ALLC: variants seen among roughly 807,000 people sequenced by gnomAD.
ALLC encodes the protein probable inactive allantoicase.
In ALLC, 40 loss-of-function variants were observed where a neutral mutation model predicts 45.0. The ratio of observed to expected loss-of-function variants is 0.89; its 90% CI spans 0.69 to 1.16. The LOEUF (loss-of-function observed/expected upper bound fraction) is 1.16, where lower values mean the gene tolerates loss of function less well. Ranked by LOEUF, ALLC falls within the 50% of genes most tolerant of loss-of-function variation. The pLI, the probability that ALLC is intolerant of heterozygous loss-of-function variation, is 0.00. For missense variants in ALLC, 488 were observed against 493.1 expected (o/e 0.99, Z 0.10); for synonymous variants, 176 against 178.1 (o/e 0.99, Z 0.09).
chr2:3,695,947 G>C (rs1323258227), intron 8 of ALLC, 75 bp downstream of exon 8: 3 of 1,443,928 alleles, frequency 2.1e-6, no homozygotes, highest in Non-Finnish European at 2.8e-6. Flanking sequence ...TATGGTCAGA[G>C]TGATTTAAAA....
the ALLC span, among the ~76,000 whole-genome samples, chr2:3,648,027 C>T: frequency 1.3e-5 from 2 of 152,196 alleles, no homozygotes; most frequent in East Asian, 3.9e-4. Context: ...GATGATGGTG[C>T]AGTGGGCAGG....
At chr2:3,683,109 G>A (rs777151820) in intron 7 of ALLC, 35 bp downstream of exon 7, 7 of 1,583,308 alleles carry the variant, frequency 4.4e-6, no homozygotes, top group Non-Finnish European at 6.0e-6. Context: ...CAGTTCCATG[G>A]CTTCTTTATT....
At chr2:3,647,046 C>A in the ALLC span, among the ~76,000 whole-genome samples, 2 of 152,094 alleles carry the variant, frequency 1.3e-5, no homozygotes, top group Non-Finnish European at 2.9e-5. Context: ...GGACGCAGAG[C>A]CACTCCCTCA....
chr2:3,663,489 G>A (rs1297968882), intron 1 of ALLC, among the ~76,000 whole-genome samples: 2 of 152,066 alleles, frequency 1.3e-5, no homozygotes, highest in African/African-American at 4.8e-5. Context: ...ATACCTAGGT[G>A]ATGGGTTGAT....
chr2:3,702,359 T>C lies in ALLC; in HGVS notation c.976-4T>C, dbSNP rs1267259937. On this transcript the variant is annotated splice_polypyrimidine_tract_variant and splice_region_variant and intron_variant, in intron 11 of 11. Transcript: ENST00000252505. Reference sequence around the variant, plus strand: ...TAGGACCTCTGCATCTGCTTGCTTTTCAGTTGTCTCCCAACCAAAGTCATC... The same window carrying C: ...TAGGACCTCTGCATCTGCTTGCTTTCCAGTTGTCTCCCAACCAAAGTCATC... The C allele has an allele frequency of 6.2e-7, 1 of 1,612,612 alleles. No homozygotes were observed. Among genetic ancestry groups the C allele is most frequent in the African/African-American group, 1.3e-5 (1 of 74,894 alleles).
the ALLC span, among the ~76,000 whole-genome samples, chr2:3,646,588 G>T: frequency 6.6e-6 from 1 of 152,236 alleles, no homozygotes; most frequent in African/African-American, 2.4e-5. Flanking sequence ...AGGGAATGAT[G>T]TACAGCTGGA....
chr2:3,651,796 T>C, the ALLC span, among the ~76,000 whole-genome samples: 1 of 152,150 alleles, frequency 6.6e-6, no homozygotes, highest in East Asian at 2.0e-4. Context: ...TGGCTCTCAA[T>C]CGTCCTTATT....
At chr2:3,651,304 GTGGGTGGGT>G in the ALLC span, among the ~76,000 whole-genome samples, 116 of 6,390 alleles carry the variant, frequency 0.018, 16 homozygotes, top group Admixed American at 0.022. Context: ...TTTTGGGTGG[GTGGGTGGGT>G]GGGGGGGGTG....
intron 7 of ALLC, among the ~76,000 whole-genome samples, chr2:3,685,403 G>A (rs866257658): frequency 1.3e-5 from 2 of 150,880 alleles, no homozygotes; most frequent in Middle Eastern, 6.9e-3. Context: ...GGCGAAGCAA[G>A]GCATGTCTTA....
rs73910323 is a variant in ALLC at position 3,661,707 on chromosome 2, A to G, written c.-63+3413A>G. 4.1e-3 allele frequency among the ~76,000 whole-genome samples: 630 copies of G among 152,310 alleles called. 6 individuals are homozygous for G. The highest frequency in any genetic ancestry group is 0.015 in the African/African-American group (611 of 41,560). On this transcript the variant is annotated intron_variant, in intron 1 of 11. Coordinates refer to ENST00000252505, the MANE Select transcript of ALLC (RefSeq NM_018436.4). ...GCTTTTCACTTTGGTGGTGACTGAT[A>G]ACTCTTCTTGGTTGTTGAGAAGTTT...
chr2:3,697,248 T>C (rs1297959778), intron 9 of ALLC, 100 bp from the exon 10 acceptor site: 7 of 843,362 alleles, frequency 8.3e-6, no homozygotes, highest in African/African-American at 1.7e-5. Flanking sequence ...TAGTAAGAAA[T>C]AAAAGAAACA....
chr2:3,687,969 G>A (rs1263748030), intron 7 of ALLC: 1 of 152,018 alleles, frequency 6.6e-6, no homozygotes, highest in African/African-American at 2.4e-5. Flanking sequence ...CTCTTGCTGG[G>A]GCTGGTGGTC....
intron 3 of ALLC, among the ~76,000 whole-genome samples, chr2:3,676,945 G>A (rs1235809652): frequency 2.6e-5 from 4 of 151,902 alleles, no homozygotes; most frequent in Non-Finnish European, 4.4e-5. Flanking sequence ...CCGCCACCAC[G>A]CCCAGCTAAT....
the ALLC span, among the ~76,000 whole-genome samples, chr2:3,651,284 C>T: frequency 4.5e-5 from 3 of 66,002 alleles, no homozygotes; most frequent in African/African-American, 1.7e-4. Flanking sequence ...CCGATGCTTG[C>T]GGGAATTCTT....
At chr2:3,690,982 T>C (rs908946955) in intron 7 of ALLC, among the ~76,000 whole-genome samples, 1 of 151,972 alleles carries the variant, frequency 6.6e-6, no homozygotes, top group African/African-American at 2.4e-5. Flanking sequence ...GGAAGAACTT[T>C]AGCATTTCAT....
At chr2:3,654,756 CTCAG>C (rs767122105), upstream of ALLC, among the ~76,000 whole-genome samples, 25 of 152,228 alleles carry the variant, frequency 1.6e-4, no homozygotes, top group Non-Finnish European at 2.6e-4. Flanking sequence ...GAAACGTATT[CTCAG>C]TCAGTTCTGG....
chr2:3,677,486 T>G (rs1276512053), intron 3 of ALLC, among the ~76,000 whole-genome samples: 1 of 152,272 alleles, frequency 6.6e-6, no homozygotes, highest in East Asian at 1.9e-4. Flanking sequence ...TGCTAAATAC[T>G]GGGCACTTAC....
chr2:3,662,595 A>G (rs974859501), intron 1 of ALLC, among the ~76,000 whole-genome samples: 4 of 152,124 alleles, frequency 2.6e-5, no homozygotes, highest in Non-Finnish European at 4.4e-5. Flanking sequence ...TTCTTTTTTT[A>G]TATATAATTT....
Position 3,702,511 on chromosome 2 carries a change from C to T in ALLC, c.1124C>T (p.Pro375Leu), listed in dbSNP as rs770106699. Residue 375 changes from proline (P) to leucine (L), a missense_variant, in exon 12 of 12, where the codon CCC (proline) becomes CTC (leucine). By Grantham distance (98) the Pro-to-Leu change is moderately conservative. Coordinates refer to ENST00000252505, the MANE Select transcript of ALLC (RefSeq NM_018436.4). Reference protein sequence around the residue: ...GFPSSICLLRPREKPMLKFSV... With the variant: ...GFPSSICLLRLREKPMLKFSV... ...CCCAGCTCCATCTGCCTCCTGAGGC[C>T]CCGGGAGAAGCCCATGTTGAAGTTC... is the stretch of plus-strand genomic sequence containing the variant. The T allele has an allele frequency of 8.1e-6, 13 of 1,610,000 alleles. No homozygotes were observed. The highest frequency in any genetic ancestry group is 8.5e-6 in the Non-Finnish European group (10 of 1,178,664).
Sources: gnomAD v4.1 joint callset for allele counts (sites outside exome capture counted in the v4.1 genomes callset) on GRCh38, gnomAD v4.1.1 for gene constraint, MANE v1.5 for transcripts, NCBI Gene and HGNC (gene_info 2026-07-23, HGNC 2026-07-21) for gene names.